TANGO2: variants seen among roughly 807,000 people sequenced by gnomAD.
The protein encoded by TANGO2 is transport and Golgi organization protein 2 homolog.
In TANGO2, 26 loss-of-function variants were observed where a neutral mutation model predicts 39.1. That is an observed-to-expected ratio of 0.67 (90% CI 0.49 to 0.92). TANGO2 has a LOEUF of 0.92. Among genes scored for constraint, TANGO2 ranks in the 40% least tolerant of loss-of-function variants. The probability of loss-of-function intolerance (pLI) is 0.00; values close to 1 mark genes in which losing one functional copy is unlikely to be tolerated. For missense variants in TANGO2, 326 were observed against 360.1 expected (o/e 0.91, Z 0.77); for synonymous variants, 131 against 144.5 (o/e 0.91, Z 0.67).
chr22:20,058,095 TATCATTCA>T (rs2147709619), intron 6 of TANGO2: 1 of 152,228 alleles, frequency 6.6e-6, no homozygotes, highest in Non-Finnish European at 1.5e-5. Flanking sequence ...ATTTAAAGTG[TATCATTCA>T]GTAGGTTTCG....
chr22:20,053,279 A>C lies in TANGO2; in HGVS notation c.266-158A>C, dbSNP rs552283215. On this transcript the variant is annotated intron_variant, in intron 4 of 8. Coordinates refer to ENST00000327374, the MANE Select transcript of TANGO2 (RefSeq NM_152906.7). ...GCCGACCTGAGTGGCAGCCAGGCTA[A>C]TGAGGTGTGGCTGACTCTTGCGGCA... 2.5e-5 allele frequency: 15 copies of C among 596,000 alleles called. No individual in the cohort carries two copies. In the South Asian group the frequency reaches 3.0e-4, roughly 12 times the overall value. The allele number at this position is 596,000 out of a possible 1,614,324, so 36.9% of individuals were successfully genotyped here.
At chr22:20,020,073 T>G (rs1451971042), upstream of TANGO2, among the ~76,000 whole-genome samples, 2 of 152,238 alleles carry the variant, frequency 1.3e-5, no homozygotes, top group Non-Finnish European at 2.9e-5. Flanking sequence ...TCAGGGCACC[T>G]AGGTCTTCAA....
upstream of TANGO2, among the ~76,000 whole-genome samples, chr22:20,017,612 G>C (rs1181594279): frequency 6.6e-6 from 1 of 152,166 alleles, no homozygotes; most frequent in Non-Finnish European, 1.5e-5. Flanking sequence ...TGCGTCTGGG[G>C]AGGCAGAGTT....
At chr22:20,064,363 G>A (rs2048925197) in intron 8 of TANGO2, among the ~76,000 whole-genome samples, 179 bp from the exon 9 acceptor site, 1 of 152,176 alleles carries the variant, frequency 6.6e-6, no homozygotes, top group South Asian at 2.1e-4. Context: ...GAGCTCACAC[G>A]CCACTGATGG....
At position 20,043,392 on chromosome 22, in the gene TANGO2, C is replaced by G; in HGVS notation, c.94C>G (p.Arg32Gly). Residue 32 changes from arginine to glycine, a missense_variant, in exon 3 of 9, where the codon CGA becomes GGA. Physicochemically the swap from Arg to Gly is moderately radical, Grantham distance 125 (BLOSUM62 -2). Coordinates refer to ENST00000327374, the MANE Select transcript of TANGO2 (RefSeq NM_152906.7). ...LAANRDEFYS[R>G]PSKLADFWGN... ...AGCCAACAGGGATGAATTCTACAGC[C>G]GACCCTCCAAGTTAGCTGACTTCTG... The G allele has an allele frequency of 6.2e-7, 1 of 1,613,662 alleles. No individual in the cohort carries two copies. The highest frequency in any genetic ancestry group is 8.5e-7 in the Non-Finnish European group (1 of 1,179,668).
At chr22:20,040,013 G>T (rs540953160) in intron 2 of TANGO2, among the ~76,000 whole-genome samples, 14 of 152,288 alleles carry the variant, frequency 9.2e-5, no homozygotes, top group African/African-American at 3.4e-4. Flanking sequence ...CACCGTGGTG[G>T]GTGCATCCCT....
chr22:20,027,878 G>A (rs1195551497), intron 1 of TANGO2, among the ~76,000 whole-genome samples: 6 of 151,940 alleles, frequency 3.9e-5, no homozygotes, highest in Non-Finnish European at 7.4e-5. Context: ...GGTTCACGGC[G>A]CCCTCCGGCT....
In TANGO2 at chr22:20,050,368, T is replaced by TG. The variant is rs1377708916; in HGVS notation, c.146-2097_146-2096insG. On this transcript the variant is annotated intron_variant, in intron 3 of 8. Transcript: ENST00000327374. ...AATATTTTCCTGGTGGTTTTTTTTT[T>TG]TTTTTTTTTTTTTGAGACGGAGTCT... Among the ~76,000 whole-genome samples, 7 of 142,336 alleles carry TG rather than the reference T, an allele frequency of 4.9e-5. No homozygotes were observed. In the East Asian group the frequency reaches 6.1e-4, roughly 12 times the overall value. 93.4% of individuals were successfully genotyped at this position (142,336 alleles called of 152,430 possible).
chr22:20,037,826 G>A (rs925120873), intron 2 of TANGO2, among the ~76,000 whole-genome samples: 2 of 152,310 alleles, frequency 1.3e-5, no homozygotes, highest in South Asian at 2.1e-4. Flanking sequence ...GGCCGAGCAC[G>A]GTGGCTCACG....
At position 20,065,692 on chromosome 22, in the gene TANGO2, C is replaced by G. The variant is rs1052890805; in HGVS notation, c.*1030C>G. On this transcript the variant is annotated 3_prime_UTR_variant, in exon 9 of 9. Coordinates refer to ENST00000327374, the MANE Select transcript of TANGO2 (RefSeq NM_152906.7). ...CAGACTCATTGCTAGATTCAGTGCC[C>G]TTGAGTGTGCCAGAGGTCCTCTGTG... The G allele has an allele frequency of 3.3e-5, 5 of 152,254 alleles. No individual in the cohort carries two copies. Among genetic ancestry groups the G allele is most frequent in the African/African-American group, 1.2e-4 (5 of 41,450 alleles). The allele number at this position is 152,254 out of a possible 1,614,324, so 9.4% of individuals were successfully genotyped here. A position where few individuals can be genotyped will look rare whatever the true frequency, so the allele number is the denominator to read the frequency against.
chr22:20,017,312 A>C (rs908115353), upstream of TANGO2: 5 of 152,254 alleles, frequency 3.3e-5, no homozygotes, highest in African/African-American at 1.2e-4. Flanking sequence ...CCCATTTTAC[A>C]GTTGGGAAAC....
At chr22:20,023,022 C>T (rs939422688) in intron 1 of TANGO2, among the ~76,000 whole-genome samples, 12 of 152,212 alleles carry the variant, frequency 7.9e-5, no homozygotes, top group Non-Finnish European at 1.5e-4. Flanking sequence ...AGGATGGGCT[C>T]CGTGAAAACA....
In TANGO2 at chr22:20,064,405, C is replaced by T. The variant is rs115297588; in HGVS notation, c.711-137C>T. On this transcript the variant is annotated intron_variant, in intron 8 of 8. Transcript: ENST00000327374. ...ATCATCCCCAAGACTGAGGCTGCTGCTCTCTGTGACTTGGCACAGCCTCCA... is the reference window on the plus strand; with the variant it reads ...ATCATCCCCAAGACTGAGGCTGCTGTTCTCTGTGACTTGGCACAGCCTCCA... 3.1e-3 allele frequency: 3,336 copies of T among 1,067,876 alleles called. 84 individuals carry two copies. The African/African-American group carries it at 0.045, about 15-fold the overall frequency. 66.2% of individuals were successfully genotyped at this position (1,067,876 alleles called of 1,614,324 possible).
intron 7 of TANGO2, among the ~76,000 whole-genome samples, chr22:20,062,307 G>T (rs2048531070): frequency 6.6e-6 from 1 of 152,168 alleles, no homozygotes. Flanking sequence ...CACTGGGCGA[G>T]ATGCCCCACC....
Position 20,063,359 on chromosome 22 carries a change from C to G in TANGO2, c.627C>G (p.Ile209Met). 6.2e-7 allele frequency: 1 copy of G among 1,613,434 alleles called. No individual in the cohort carries two copies. Among genetic ancestry groups the G allele is most frequent in the Non-Finnish European group, 8.5e-7 (1 of 1,179,884 alleles). Reference sequence around the variant, plus strand: ...GCAGGCAGCTGCCAGACCCGGCCATCGAGGACCAGGGTGGGGAGTACGTGC... The same window carrying G: ...GCAGGCAGCTGCCAGACCCGGCCATGGAGGACCAGGGTGGGGAGTACGTGC... ...NEEAQLPDPA[I>M]EDQGGEYVQP... The change falls in exon 8 of 9, where the codon ATC becomes ATG. Residue 209 changes from isoleucine to methionine, a missense_variant. By Grantham distance (10) the Ile-to-Met change is conservative (BLOSUM62 1). Transcript: ENST00000327374.
chr22:20,046,027 TA>T (rs1205837622), intron 3 of TANGO2, among the ~76,000 whole-genome samples: 2 of 152,170 alleles, frequency 1.3e-5, no homozygotes. Context: ...CAGTGTCATA[TA>T]GTCTCCTCCC....
At chr22:20,047,344 C>T (rs576786179) in intron 3 of TANGO2, among the ~76,000 whole-genome samples, 11 of 152,000 alleles carry the variant, frequency 7.2e-5, no homozygotes, top group African/African-American at 2.7e-4. Context: ...AGCAATTCTC[C>T]TGCCTCAGCC....
At chr22:20,034,381 A>G (rs1463242296) in intron 1 of TANGO2, among the ~76,000 whole-genome samples, 1 of 152,118 alleles carries the variant, frequency 6.6e-6, no homozygotes, top group African/African-American at 2.4e-5. Context: ...TGCTTCTTTC[A>G]TTATGTGGTT....
rs114430112 is a variant in TANGO2 at position 20,039,350 on chromosome 22, C to T, written c.56+2496C>T. On this transcript the variant is annotated intron_variant, in intron 2 of 8. Coordinates refer to ENST00000327374, the MANE Select transcript of TANGO2 (RefSeq NM_152906.7). ...TCTTTCAAAACTGCCTGTTTACAGC[C>T]GGGTGCGGTGGCTCACGCCTGTAAT... 5.7e-3 allele frequency among the ~76,000 whole-genome samples: 868 copies of T among 151,384 alleles called. 7 individuals are homozygous for T. The highest frequency in any genetic ancestry group is 0.02 in the African/African-American group (808 of 41,308).
Sources: gnomAD v4.1 joint callset for allele counts (sites outside exome capture counted in the v4.1 genomes callset) on GRCh38, gnomAD v4.1.1 for gene constraint, MANE v1.5 for transcripts, NCBI Gene and HGNC (gene_info 2026-07-23, HGNC 2026-07-21) for gene names.